The following KCTD16 variants were observed in gnomAD, a reference collection of about 807,000 sequenced individuals.
KCTD16 encodes BTB/POZ domain-containing protein KCTD16.
KCTD16 carries 13 observed loss-of-function variants against 33.2 expected under a neutral mutation model. That is an observed-to-expected ratio of 0.39 (90% CI 0.25 to 0.62). The LOEUF is 0.62. KCTD16 is among the 20% of genes least tolerant of loss of function. The pLI is 0.50. For synonymous variants in KCTD16, 197 were observed against 195.3 expected, an observed-to-expected ratio of 1.01 and a Z score of -0.07; for missense variants, 441 against 525.1, an observed-to-expected ratio of 0.84 and a Z score of 1.57.
At chr5:144,294,210 A>G (rs1049822492) in intron 3 of KCTD16, among the ~76,000 whole-genome samples, 8 of 152,226 alleles carry the variant, frequency 5.3e-5, no homozygotes, top group Non-Finnish European at 1.0e-4. Context: ...CGTTTTTTGA[A>G]TAAATGCCAA....
At chr5:144,182,086 A>G (rs1480734159) in intron 2 of KCTD16, among the ~76,000 whole-genome samples, 1 of 70,520 alleles carries the variant, frequency 1.4e-5, no homozygotes, top group Admixed American at 1.3e-4. Context: ...ACTCCATCTC[A>G]AAAAAAAAAA....
In KCTD16 at chr5:144,365,710, G is replaced by A. The variant is rs150921452; in HGVS notation, c.833-107950G>A. Among the ~76,000 whole-genome samples, 29 of 152,282 alleles carry A rather than the reference G, an allele frequency of 1.9e-4. No individual in the cohort carries two copies. In the East Asian group the frequency reaches 4.4e-3, roughly 23 times the overall value. On this transcript the variant is annotated intron_variant, in intron 3 of 3. Transcript: ENST00000512467. ...GAATTTTCTCATGATTCAAATGAAC[G>A]TGCCAAGTTGCAATCAATGGACAAC... is the stretch of plus-strand genomic sequence containing the variant.
In KCTD16 at chr5:144,206,886, A is replaced by G. The variant is rs1753191647; in HGVS notation, c.172A>G (p.Lys58Glu). 1.2e-6 allele frequency: 2 copies of G among 1,614,064 alleles called. No individual in the cohort carries two copies. Among genetic ancestry groups the G allele is most frequent in the Admixed American group, 3.3e-5 (2 of 60,008 alleles). ...CCTCCTGTGGAAAATGTTTTCCCCA[A>G]AGAGAGACACGGCTAATGATCTAGC... is the stretch of plus-strand genomic sequence containing the variant. ...HSLLWKMFSP[K>E]RDTANDLAKD... The change falls in exon 3 of 4, where the codon AAG becomes GAG. Residue 58 changes from lysine to glutamate, a missense_variant. Lys to Glu is a moderately conservative substitution (Grantham distance 56). Around this residue, in one of 3 missense-constraint regions of KCTD16, gnomAD observed 80 missense variants for 88.5 expected, o/e 0.90. Coordinates refer to ENST00000512467, the MANE Select transcript of KCTD16 (RefSeq NM_020768.4).
At chr5:144,281,176 C>T (rs1320804118) in intron 3 of KCTD16, among the ~76,000 whole-genome samples, 2 of 152,194 alleles carry the variant, frequency 1.3e-5, no homozygotes, top group Non-Finnish European at 2.9e-5. Flanking sequence ...ACCGAGACTC[C>T]GTCTCAAAAA....
chr5:144,269,035 C>G (rs1755223836), intron 3 of KCTD16, among the ~76,000 whole-genome samples: 1 of 151,974 alleles, frequency 6.6e-6, no homozygotes, highest in East Asian at 1.9e-4. Flanking sequence ...TGGAAATTAT[C>G]AAGTCTTAGG....
chr5:144,220,836 G>A (rs559101804), intron 3 of KCTD16, among the ~76,000 whole-genome samples: 3 of 152,122 alleles, frequency 2.0e-5, no homozygotes, highest in African/African-American at 7.2e-5. Context: ...AGCTACCTGG[G>A]AGGCTGAGGC....
Position 144,397,296 on chromosome 5 carries a change from G to A in KCTD16, c.833-76364G>A, listed in dbSNP as rs528477752. On this transcript the variant is annotated intron_variant, in intron 3 of 3. Coordinates refer to ENST00000512467, the MANE Select transcript of KCTD16 (RefSeq NM_020768.4). Reference sequence around the variant, plus strand: ...GCATAGTATTCCATGGTGTATATGTGCCACATTTTCTTAATCCAGTCTATC... The same window carrying A: ...GCATAGTATTCCATGGTGTATATGTACCACATTTTCTTAATCCAGTCTATC... Among the ~76,000 whole-genome samples the A allele has an allele frequency of 3.6e-3, 550 of 152,066 alleles. 2 individuals are homozygous for A. Among genetic ancestry groups the A allele is most frequent in the South Asian group, 0.015 (70 of 4,806 alleles).
intron 3 of KCTD16, among the ~76,000 whole-genome samples, chr5:144,399,344 TG>T (rs1470095113): frequency 2.0e-5 from 3 of 152,228 alleles, no homozygotes; most frequent in Admixed American, 6.5e-5. Flanking sequence ...ATTTTTTGTG[TG>T]TAGAATCTAG....
intron 3 of KCTD16, among the ~76,000 whole-genome samples, chr5:144,286,806 A>G (rs1013348250): frequency 9.9e-5 from 15 of 152,222 alleles, no homozygotes; most frequent in African/African-American, 3.6e-4. Context: ...GTTACTTAGC[A>G]TGGTTGGTGA....
intron 3 of KCTD16, among the ~76,000 whole-genome samples, chr5:144,401,599 G>T (rs1309490823): frequency 1.3e-5 from 2 of 152,196 alleles, no homozygotes; most frequent in Non-Finnish European, 2.9e-5. Flanking sequence ...GGTTTCCTGG[G>T]CATTTTGCAG....
At chr5:144,281,241 T>A (rs1007748538) in intron 3 of KCTD16, among the ~76,000 whole-genome samples, 1 of 152,252 alleles carries the variant, frequency 6.6e-6, no homozygotes, top group Non-Finnish European at 1.5e-5. Context: ...TTAGTTTAAG[T>A]TCCATATGCT....
intron 3 of KCTD16, among the ~76,000 whole-genome samples, chr5:144,279,899 AT>A (rs569959057): frequency 3.3e-5 from 5 of 152,100 alleles, no homozygotes; most frequent in Non-Finnish European, 5.9e-5. Context: ...TGAACCTTAC[AT>A]TTTTTCCCCC....
chr5:144,203,194 CTTTTA>C (rs1034765447), intron 2 of KCTD16, among the ~76,000 whole-genome samples: 2 of 151,894 alleles, frequency 1.3e-5, no homozygotes, highest in African/African-American at 4.8e-5. Flanking sequence ...GAATATTCTT[CTTTTA>C]TATTATAAAA....
intron 3 of KCTD16, among the ~76,000 whole-genome samples, chr5:144,220,043 C>T (rs1215825965): frequency 6.6e-6 from 1 of 152,322 alleles, no homozygotes. Flanking sequence ...GTCTGCTCAC[C>T]TGTCCTGCCC....
intron 3 of KCTD16, among the ~76,000 whole-genome samples, chr5:144,449,516 C>G (rs770459812): frequency 2.6e-5 from 4 of 151,844 alleles, no homozygotes; most frequent in Non-Finnish European, 5.9e-5. Flanking sequence ...AACAAACGTG[C>G]ACACATACCC....
At chr5:144,429,241 T>C (rs1016205896) in intron 3 of KCTD16, among the ~76,000 whole-genome samples, 2 of 152,152 alleles carry the variant, frequency 1.3e-5, no homozygotes, top group Admixed American at 6.6e-5. Flanking sequence ...TATTTTTCAG[T>C]TGGAAGTGTC....
chr5:144,457,117 T>TGAA (rs1754084612), intron 3 of KCTD16, among the ~76,000 whole-genome samples: 1 of 152,256 alleles, frequency 6.6e-6, no homozygotes, highest in South Asian at 2.1e-4. Flanking sequence ...TAACGCACAC[T>TGAA]TATCAAATCT....
chr5:144,341,721 C>T (rs1752651575), intron 3 of KCTD16, among the ~76,000 whole-genome samples: 2 of 152,308 alleles, frequency 1.3e-5, no homozygotes, highest in South Asian at 4.1e-4. Flanking sequence ...CATATTTTAT[C>T]AGCCATAGCA....
At chr5:144,369,906 T>C (rs1751927708) in intron 3 of KCTD16, among the ~76,000 whole-genome samples, 1 of 152,184 alleles carries the variant, frequency 6.6e-6, no homozygotes, top group South Asian at 2.1e-4. Context: ...ATTAAGTGCA[T>C]GATTTCTAAT....
Sources: allele counts gnomAD v4.1 joint callset (sites outside exome capture counted in the v4.1 genomes callset), GRCh38; gene constraint gnomAD v4.1.1; regional missense constraint gnomAD v4.1.1; transcripts MANE v1.5; gene names NCBI Gene and HGNC (gene_info 2026-07-23, HGNC 2026-07-21).